Variants in SPINK5 observed in about 807,000 individuals in gnomAD.
The protein encoded by SPINK5 is serine peptidase inhibitor Kazal type 5, also known as serine protease inhibitor Kazal-type 5.
A neutral mutation model predicts 151.8 loss-of-function variants in SPINK5; 125 were observed. The ratio of observed to expected loss-of-function variants is 0.82; its 90% CI spans 0.71 to 0.96. The LOEUF (loss-of-function observed/expected upper bound fraction) is 0.96, where lower values mean the gene tolerates loss of function less well. Ranked by LOEUF, SPINK5 falls within the 40% of genes least tolerant of loss-of-function variation. The pLI is 0.00. For synonymous variants in SPINK5, 374 were observed against 395.3 expected (o/e 0.95, Z 0.64); for missense variants, 1,194 against 1,291.9 (o/e 0.92, Z 1.16).
At chr5:148,116,293 TATA>T (rs2113176995) in intron 21 of SPINK5, 74 bp from the exon 22 acceptor site, 1 of 1,425,818 alleles carries the variant, frequency 7.0e-7, no homozygotes, top group Non-Finnish European at 9.9e-7. Context: ...GATTTGTTCA[TATA>T]ATGAGAAACT....
At chr5:148,086,299 C>T (rs1753151558) in intron 4 of SPINK5, 106 bp from the exon 5 acceptor site, 1 of 1,414,348 alleles carries the variant, frequency 7.1e-7, no homozygotes, top group Non-Finnish European at 9.6e-7. Context: ...TGTTTTTCTT[C>T]TCCAGCAATT....
chr5:148,105,945 A>G (rs968764273), intron 16 of SPINK5, among the ~76,000 whole-genome samples: 3 of 151,952 alleles, frequency 2.0e-5, no homozygotes, highest in Non-Finnish European at 4.4e-5. Context: ...TTTCTTAACA[A>G]TAGCCACAAC....
intron 20 of SPINK5, among the ~76,000 whole-genome samples, chr5:148,114,072 C>T (rs540691391): frequency 1.1e-4 from 17 of 152,266 alleles, no homozygotes; most frequent in African/African-American, 2.6e-4. Flanking sequence ...CAATTTCTCA[C>T]GTAACCCTAA....
chr5:148,087,948 A>C (rs1753205704), intron 5 of SPINK5, among the ~76,000 whole-genome samples: 1 of 151,380 alleles, frequency 6.6e-6, no homozygotes, highest in African/African-American at 2.4e-5. Flanking sequence ...TATTGTTTTT[A>C]CTAAATTTTT....
chr5:148,077,339 G>GA (rs1344161069), intron 4 of SPINK5, among the ~76,000 whole-genome samples: 1 of 150,204 alleles, frequency 6.7e-6, no homozygotes, highest in Non-Finnish European at 1.5e-5. Flanking sequence ...AATGCTGAAA[G>GA]AAAAAAAAGA....
Position 148,118,565 on chromosome 5 carries a change from G to T in SPINK5, c.2240+1G>T. 3 of 1,613,990 alleles carry T rather than the reference G, an allele frequency of 1.9e-6. No homozygotes were observed. Among genetic ancestry groups the T allele is most frequent in the Middle Eastern group, 1.7e-4 (1 of 6,060 alleles). On this transcript the variant is annotated splice_donor_variant, in intron 23 of 32. Coordinates refer to ENST00000256084, the MANE Select transcript of SPINK5 (RefSeq NM_006846.4). LOFTEE classifies it high-confidence loss of function. Reference sequence around the variant, plus strand: ...AGTGTACCATGTGTAAAGCAAAATTGTAAGTATTTCTCTCAACAGGCATGT... The same window carrying T: ...AGTGTACCATGTGTAAAGCAAAATTTTAAGTATTTCTCTCAACAGGCATGT...
At chr5:148,093,521 G>C (rs1753369104) in intron 8 of SPINK5, among the ~76,000 whole-genome samples, 1 of 151,870 alleles carries the variant, frequency 6.6e-6, no homozygotes, top group Non-Finnish European at 1.5e-5. Context: ...CAGATCCATA[G>C]AGAAAATCAA....
chr5:148,110,131 CT>C (rs1753885607), intron 18 of SPINK5, among the ~76,000 whole-genome samples: 3 of 152,294 alleles, frequency 2.0e-5, no homozygotes, highest in Admixed American at 2.0e-4. Flanking sequence ...CATATATTAG[CT>C]TTCTCACTTA....
chr5:148,116,271 C>T (rs1232767561), intron 21 of SPINK5, 99 bp from the exon 22 acceptor site: 9 of 1,210,518 alleles, frequency 7.4e-6, no homozygotes, highest in Admixed American at 3.5e-5. Flanking sequence ...CTCGATAATT[C>T]TGTACATATG....
At position 148,097,961 on chromosome 5, in the gene SPINK5, A is replaced by C; in HGVS notation, c.977A>C (p.His326Pro). 1 of 1,612,218 alleles carries C rather than the reference A, an allele frequency of 6.2e-7. No homozygotes were observed. The highest frequency in any genetic ancestry group is 8.5e-7 in the Non-Finnish European group (1 of 1,178,686). The stretch of plus-strand genomic sequence containing the variant: ...ATTCGTGGTCCAGATGGGAAAATGC[A>C]TGGCAACTTGTGTTCCATGTGTCAA... ...DPIRGPDGKM[H>P]GNLCSMCQAY... The change falls in exon 11 of 33, where the codon CAT (histidine) becomes CCT (proline). Residue 326 changes from histidine (H) to proline (P), a missense_variant. Coordinates refer to ENST00000256084, the MANE Select transcript of SPINK5 (RefSeq NM_006846.4).
Position 148,095,855 on chromosome 5 carries a change from C to G in SPINK5, c.832C>G (p.Gln278Glu). 1 of 1,612,164 alleles carries G rather than the reference C, an allele frequency of 6.2e-7. No homozygotes were observed. Among genetic ancestry groups the G allele is most frequent in the Non-Finnish European group, 8.5e-7 (1 of 1,178,946 alleles). ...RFSEENSKTD[Q>E]NLGKAEEKTK... The stretch of plus-strand genomic sequence containing the variant: ...TTCAGAGGAAAACAGTAAAACAGAT[C>G]AAAATTTGGGAAAAGCTGAAGAAAA... Residue 278 changes from glutamine to glutamate, a missense_variant, in exon 10 of 33, where the codon CAA becomes GAA. By Grantham distance (29) the Gln-to-Glu change is conservative. Coordinates refer to ENST00000256084, the MANE Select transcript of SPINK5 (RefSeq NM_006846.4).
intron 30 of SPINK5, among the ~76,000 whole-genome samples, chr5:148,128,363 C>T (rs1001623804): frequency 4.6e-5 from 7 of 151,894 alleles, no homozygotes; most frequent in African/African-American, 1.4e-4. Context: ...ACCAGTAGCC[C>T]CCTCATTCTC....
chr5:148,096,038 G>A (rs887910864), intron 10 of SPINK5, 133 bp downstream of exon 10: 5 of 706,368 alleles, frequency 7.1e-6, no homozygotes, highest in Non-Finnish European at 9.7e-6. Flanking sequence ...TAGGTTTGCT[G>A]GAAACTAATT....
chr5:148,073,698 AG>A (rs200847627), intron 4 of SPINK5, among the ~76,000 whole-genome samples: 1,945 of 151,910 alleles, frequency 0.013, 33 homozygotes, highest in African/African-American at 0.045. Context: ...ATAGCTAGTT[AG>A]ATGTTTCCAT....
At chr5:148,114,254 A>C in intron 20 of SPINK5, 108 bp from the exon 21 acceptor site, 2 of 1,302,658 alleles carry the variant, frequency 1.5e-6, no homozygotes, top group Non-Finnish European at 1.0e-6. Flanking sequence ...AAAAATTCTC[A>C]GGTCATTTTC....
chr5:148,117,741 C>A (rs1754133417), intron 22 of SPINK5, among the ~76,000 whole-genome samples: 1 of 151,998 alleles, frequency 6.6e-6, no homozygotes. Flanking sequence ...ATATGGAGGG[C>A]TAACTTTTTG....
At chr5:148,086,284 T>C in intron 4 of SPINK5, 121 bp from the exon 5 acceptor site, 1 of 1,217,330 alleles carries the variant, frequency 8.2e-7, no homozygotes, top group Non-Finnish European at 1.1e-6. Flanking sequence ...GTAGCCTTCA[T>C]GATATGTTTT....
intron 5 of SPINK5, among the ~76,000 whole-genome samples, chr5:148,087,810 C>T (rs565353731): frequency 6.6e-6 from 1 of 151,866 alleles, no homozygotes; most frequent in African/African-American, 2.4e-5. Flanking sequence ...TGTTGTTTCC[C>T]TTGCAGCTCT....
At chr5:148,107,710 C>T (rs996682390) in intron 17 of SPINK5, among the ~76,000 whole-genome samples, 14 of 152,100 alleles carry the variant, frequency 9.2e-5, no homozygotes, top group Admixed American at 5.2e-4. Context: ...CAGGCTCATA[C>T]CCTAAATGTT....
Sources: gnomAD v4.1 joint callset for allele counts (sites outside exome capture counted in the v4.1 genomes callset) on GRCh38, gnomAD v4.1.1 for gene constraint, MANE v1.5 for transcripts, NCBI Gene and HGNC (gene_info 2026-07-23, HGNC 2026-07-21) for gene names.